The following FAM186A variants were observed in gnomAD, a reference collection of about 807,000 sequenced individuals.
FAM186A encodes the protein protein FAM186A.
FAM186A carries 163 observed loss-of-function variants against 216.8 expected under a neutral mutation model. That is an observed-to-expected ratio of 0.75 (90% CI 0.66 to 0.86). The LOEUF (loss-of-function observed/expected upper bound fraction) is 0.86, where lower values mean the gene tolerates loss of function less well. Ranked by LOEUF, FAM186A falls within the 40% of genes least tolerant of loss-of-function variation. FAM186A has a pLI of 0.00. For missense variants in FAM186A, 2,184 were observed against 2,746.2 expected (o/e 0.80, Z 4.58); for synonymous variants, 805 against 1,025.3 (o/e 0.79, Z 4.10).
chr12:50,339,179 G>C, intron 4 of FAM186A, among the ~76,000 whole-genome samples: 1 of 151,920 alleles, frequency 6.6e-6, no homozygotes, highest in Non-Finnish European at 1.5e-5. Flanking sequence ...ACCACGCCTG[G>C]CTAATTTTTA....
chr12:50,361,308 C>G (rs1321199010), intron 2 of FAM186A, among the ~76,000 whole-genome samples: 4 of 152,188 alleles, frequency 2.6e-5, no homozygotes, highest in Non-Finnish European at 5.9e-5. Context: ...AAGCGATTCT[C>G]CTGCCTCAGC....
chr12:50,337,140 C>T (rs1188154308), intron 4 of FAM186A, among the ~76,000 whole-genome samples: 1 of 151,244 alleles, frequency 6.6e-6, no homozygotes, highest in African/African-American at 2.4e-5. Flanking sequence ...CTCTTCACAC[C>T]AAATATTTCC....
intron 4 of FAM186A, 115 bp downstream of exon 4, chr12:50,350,214 G>C: frequency 1.1e-6 from 1 of 938,774 alleles, no homozygotes; most frequent in Non-Finnish European, 1.6e-6. Context: ...CCTTATATAA[G>C]GCAGTCCTTT....
chr12:50,394,279 C>A (rs1943391455), intron 1 of FAM186A, among the ~76,000 whole-genome samples: 1 of 152,072 alleles, frequency 6.6e-6, no homozygotes, highest in Admixed American at 6.6e-5. Flanking sequence ...ATAAAATGGG[C>A]TGGACGCAGT....
chr12:50,383,344 C>T (rs912878595), intron 1 of FAM186A, among the ~76,000 whole-genome samples: 24 of 141,524 alleles, frequency 1.7e-4, no homozygotes, highest in African/African-American at 6.1e-4. Context: ...AACCTGTAAT[C>T]CCAGCACTTT....
At position 50,353,507 on chromosome 12, in the gene FAM186A, T is replaced by TC; in HGVS notation, c.3324dup (p.Ile1109AspfsTer150). On this transcript the variant is annotated frameshift_variant, in exon 4 of 8. Coordinates refer to ENST00000327337, the MANE Select transcript of FAM186A (RefSeq NM_001145475.3). LOFTEE classifies it high-confidence loss of function. ...TGGGCCTGCTGAGGGGTGAGAGGGA[T>TC]CCCTAGTTCCTGGGCCTGCTGAAGG... The TC allele has an allele frequency of 6.5e-7, 1 of 1,538,896 alleles. No individual in the cohort carries two copies. The highest frequency in any genetic ancestry group is 2.0e-5 in the Admixed American group (1 of 49,902).
At chr12:50,348,933 G>A (rs954487418) in intron 4 of FAM186A, among the ~76,000 whole-genome samples, 1 of 152,086 alleles carries the variant, frequency 6.6e-6, no homozygotes, top group Non-Finnish European at 1.5e-5. Context: ...TGGGGGTACA[G>A]GAGATGTTTT....
intron 1 of FAM186A, among the ~76,000 whole-genome samples, chr12:50,371,307 C>T (rs564474398): frequency 8.6e-5 from 13 of 151,904 alleles, no homozygotes; most frequent in Middle Eastern, 3.4e-3. Flanking sequence ...TTAGTAGAGA[C>T]GGGGTTTCAC....
Position 50,329,431 on chromosome 12 carries a change from T to C in FAM186A, c.7034+1142A>G, listed in dbSNP as rs574046932. ...AGTCATGCTTATTCAACTTAATGGT[T>C]ACATTTGGTTTAATAACTGTTTTCC... On this transcript the variant is annotated intron_variant, in intron 7 of 7. Transcript: ENST00000327337. 3.3e-5 allele frequency among the ~76,000 whole-genome samples: 5 copies of C among 152,326 alleles called. No homozygotes were observed. The East Asian group carries it at 9.6e-4, about 29-fold the overall frequency.
chr12:50,368,616 C>G (rs1943112962), intron 1 of FAM186A, among the ~76,000 whole-genome samples: 1 of 151,904 alleles, frequency 6.6e-6, no homozygotes, highest in Non-Finnish European at 1.5e-5. Flanking sequence ...TTAATGCAAT[C>G]CCTATCAAAA....
intron 1 of FAM186A, among the ~76,000 whole-genome samples, chr12:50,371,843 G>A (rs1048843001): frequency 6.6e-6 from 1 of 151,292 alleles, no homozygotes; most frequent in Non-Finnish European, 1.5e-5. Context: ...ACGGAGTTTC[G>A]CTCTTATTGC....
intron 4 of FAM186A, among the ~76,000 whole-genome samples, chr12:50,346,285 G>A (rs1276623396): frequency 1.3e-5 from 2 of 151,458 alleles, no homozygotes; most frequent in African/African-American, 4.9e-5. Flanking sequence ...ATGGAATGTA[G>A]TGGTGGCGCC....
intron 5 of FAM186A, among the ~76,000 whole-genome samples, chr12:50,333,582 G>A (rs564510784): frequency 2.6e-5 from 4 of 152,088 alleles, no homozygotes; most frequent in South Asian, 4.2e-4. Flanking sequence ...AGATGGAGGC[G>A]GAGATTGGAA....
At chr12:50,345,058 C>T (rs1008125162) in intron 4 of FAM186A, among the ~76,000 whole-genome samples, 1 of 152,052 alleles carries the variant, frequency 6.6e-6, no homozygotes, top group Non-Finnish European at 1.5e-5. Context: ...TCGAGACCAG[C>T]CTGACCAATA....
chr12:50,364,107 G>A (rs1592619758), intron 1 of FAM186A, among the ~76,000 whole-genome samples: 1 of 152,224 alleles, frequency 6.6e-6, no homozygotes, highest in East Asian at 1.9e-4. Flanking sequence ...GGGTACTAAG[G>A]AATGCTAGCC....
chr12:50,354,560 A>G lies in FAM186A; in HGVS notation c.2272T>C (p.Phe758Leu). ...KPIKQKKVVS[F>L]MPGLHFQKSP... ...TTCTGAAAATGCAATCCTGGCATAA[A>G]TGAGACTACCTTTTTTTGTTTTATA... is the stretch of plus-strand genomic sequence containing the variant. Residue 758 changes from phenylalanine to leucine, a missense_variant, in exon 4 of 8, where the codon TTT becomes CTT. Coordinates refer to ENST00000327337, the MANE Select transcript of FAM186A (RefSeq NM_001145475.3). The G allele has an allele frequency of 2.6e-6, 4 of 1,551,572 alleles. No homozygotes were observed. The highest frequency in any genetic ancestry group is 3.5e-6 in the Non-Finnish European group (4 of 1,146,968).
chr12:50,363,078 C>T (rs527825054), intron 2 of FAM186A, 67 bp downstream of exon 2: 114 of 1,282,096 alleles, frequency 8.9e-5, no homozygotes, highest in Non-Finnish European at 1.1e-4. Context: ...TCAAAATTTA[C>T]TTATATATTC....
In FAM186A at chr12:50,328,430, G is replaced by A. The variant is rs368978016; in HGVS notation, c.7035-1026C>T. Among the ~76,000 whole-genome samples the A allele has an allele frequency of 7.9e-5, 12 of 152,260 alleles. No individual in the cohort carries two copies. In the East Asian group the frequency reaches 2.1e-3, roughly 27 times the overall value. Reference sequence around the variant, plus strand: ...AATATCACACAACCAACAAAATGATGATGTAGCTCTATATTTATTAGCATA... The same window carrying A: ...AATATCACACAACCAACAAAATGATAATGTAGCTCTATATTTATTAGCATA... On this transcript the variant is annotated intron_variant, in intron 7 of 7. Transcript: ENST00000327337.
At chr12:50,334,522 G>A (rs1368093558) in intron 4 of FAM186A, among the ~76,000 whole-genome samples, 1 of 151,768 alleles carries the variant, frequency 6.6e-6, no homozygotes, top group Non-Finnish European at 1.5e-5. Flanking sequence ...CTGTTGCCCA[G>A]GCTGGAGTGC....
Sources: gnomAD v4.1 joint callset for allele counts (sites outside exome capture counted in the v4.1 genomes callset) on GRCh38, gnomAD v4.1.1 for gene constraint, MANE v1.5 for transcripts, NCBI Gene and HGNC (gene_info 2026-07-23, HGNC 2026-07-21) for gene names.